The following STRIP2 variants were observed in gnomAD, a reference collection of about 807,000 sequenced individuals.
STRIP2 encodes striatin interacting protein 2.
In STRIP2, 84 loss-of-function variants were observed where a neutral mutation model predicts 107.1. That is an observed-to-expected ratio of 0.78 (90% CI 0.66 to 0.94). The LOEUF is 0.94. STRIP2 is among the 40% of genes least tolerant of loss of function. The probability of loss-of-function intolerance (pLI) is 0.00; values close to 1 mark genes in which losing one functional copy is unlikely to be tolerated. For missense variants in STRIP2, 888 were observed against 1,034.2 expected, an observed-to-expected ratio of 0.86 and a Z score of 1.94; for synonymous variants, 394 against 400.4, an observed-to-expected ratio of 0.98 and a Z score of 0.19.
intron 16 of STRIP2, 147 bp downstream of exon 16, chr7:129,464,885 C>A: frequency 9.5e-7 from 1 of 1,054,872 alleles, no homozygotes; most frequent in Non-Finnish European, 1.4e-6. Context: ...CCACCCATTG[C>A]ATGAGCTTGA....
intron 18 of STRIP2, among the ~76,000 whole-genome samples, chr7:129,471,986 T>TA (rs1224741260): frequency 6.8e-6 from 1 of 147,190 alleles, no homozygotes; most frequent in Non-Finnish European, 1.5e-5. Context: ...AGTTTTTTAT[T>TA]AAAAAAAATT....
At chr7:129,447,632 G>T (rs780522456) in intron 3 of STRIP2, among the ~76,000 whole-genome samples, 2 of 152,250 alleles carry the variant, frequency 1.3e-5, no homozygotes, top group Non-Finnish European at 2.9e-5. Flanking sequence ...TCTGGGGTAG[G>T]ACAGTAAAGG....
intron 3 of STRIP2, among the ~76,000 whole-genome samples, chr7:129,445,403 G>A (rs1163872188): frequency 6.6e-6 from 1 of 151,970 alleles, no homozygotes; most frequent in Non-Finnish European, 1.5e-5. Flanking sequence ...GTGTCTCCTG[G>A]TGGCAGTTTC....
intron 16 of STRIP2, among the ~76,000 whole-genome samples, chr7:129,466,919 C>A (rs1049433456): frequency 1.3e-5 from 2 of 152,220 alleles, no homozygotes; most frequent in Non-Finnish European, 2.9e-5. Flanking sequence ...TATGTGCTGT[C>A]ACCATCCTGA....
Position 129,486,030 on chromosome 7 carries a change from T to A in STRIP2, c.*201T>A. 1 of 570,910 alleles carries A rather than the reference T, an allele frequency of 1.8e-6. No individual in the cohort carries two copies. Among genetic ancestry groups the A allele is most frequent in the Non-Finnish European group, 3.1e-6 (1 of 324,590 alleles). The allele number at this position is 570,910 out of a possible 1,614,324, so 35.4% of individuals were successfully genotyped here. ...GGGTCAGTTGGGTGCCCAGTTGGCCTTGGAAATCTTTTGGTGGATCAATTC... is the reference window on the plus strand; with the variant it reads ...GGGTCAGTTGGGTGCCCAGTTGGCCATGGAAATCTTTTGGTGGATCAATTC... On this transcript the variant is annotated 3_prime_UTR_variant, in exon 21 of 21. Coordinates refer to ENST00000249344, the MANE Select transcript of STRIP2 (RefSeq NM_020704.3).
At chr7:129,485,545 T>C (rs766447524) in intron 20 of STRIP2, 34 bp from the exon 21 acceptor site, 1 of 1,612,400 alleles carries the variant, frequency 6.2e-7, no homozygotes. Flanking sequence ...TGTCTTGCAT[T>C]GTATGTCTTC....
chr7:129,478,733 A>G (rs1799037806), intron 18 of STRIP2, among the ~76,000 whole-genome samples: 1 of 152,224 alleles, frequency 6.6e-6, no homozygotes, highest in Admixed American at 6.5e-5. Context: ...AACCTTCTAC[A>G]GGAAACAAGG....
At chr7:129,478,011 T>C in intron 18 of STRIP2, 2 of 459,382 alleles carry the variant, frequency 4.4e-6, no homozygotes, top group Middle Eastern at 7.4e-4. Flanking sequence ...GATAAGTGTG[T>C]GGAGATGGCA....
At chr7:129,443,894 G>C (rs752190514) in intron 2 of STRIP2, 130 bp from the exon 3 acceptor site, 45 of 712,538 alleles carry the variant, frequency 6.3e-5, no homozygotes, top group Non-Finnish European at 9.6e-5. Flanking sequence ...TGAAAAGGAG[G>C]AAGCTAGCTT....
At chr7:129,459,442 T>C in intron 11 of STRIP2, 75 bp from the exon 12 acceptor site, 1 of 1,284,720 alleles carries the variant, frequency 7.8e-7, no homozygotes, top group Non-Finnish European at 1.1e-6. Context: ...GTCTGTTGAC[T>C]CTAGGGGGGT....
At chr7:129,471,300 G>A (rs1316527794) in intron 18 of STRIP2, among the ~76,000 whole-genome samples, 1 of 152,136 alleles carries the variant, frequency 6.6e-6, no homozygotes, top group East Asian at 1.9e-4. Flanking sequence ...CCATACTGAA[G>A]ATGAGGTATC....
At position 129,464,695 on chromosome 7, in the gene STRIP2, T is replaced by G. The variant is rs138707632; in HGVS notation, c.1733T>G (p.Leu578Arg). 1 of 1,614,066 alleles carries G rather than the reference T, an allele frequency of 6.2e-7. No homozygotes were observed. The highest frequency in any genetic ancestry group is 1.3e-5 in the African/African-American group (1 of 74,918). Residue 578 changes from leucine to arginine, a missense_variant, in exon 16 of 21, where the codon CTT becomes CGT. Leu to Arg is a moderately radical substitution (Grantham distance 102). Coordinates refer to ENST00000249344, the MANE Select transcript of STRIP2 (RefSeq NM_020704.3). Reference protein sequence around the residue: ...EIIVKSISTLLLLLLKHFKLN... With the variant: ...EIIVKSISTLRLLLLKHFKLN... ...ATTGTAAAGAGTATCTCTACCCTGC[T>G]TCTGCTACTCCTCAAACACTTCAAA...
chr7:129,478,799 T>C (rs1799039096), intron 18 of STRIP2, among the ~76,000 whole-genome samples: 1 of 152,196 alleles, frequency 6.6e-6, no homozygotes, highest in Non-Finnish European at 1.5e-5. Context: ...CCAAGTATTC[T>C]GGTATCTATT....
chr7:129,468,539 T>C (rs1025957307), intron 17 of STRIP2, among the ~76,000 whole-genome samples: 4 of 152,192 alleles, frequency 2.6e-5, no homozygotes, highest in Admixed American at 2.6e-4. Flanking sequence ...ATATGTAAGA[T>C]TGCTTTAAAC....
intron 18 of STRIP2, among the ~76,000 whole-genome samples, chr7:129,475,568 C>CTTT (rs1193913684): frequency 1.0e-5 from 1 of 99,300 alleles, no homozygotes; most frequent in Non-Finnish European, 2.0e-5. Context: ...TTTTTTTTTT[C>CTTT]TTTTTATTTT....
At position 129,454,125 on chromosome 7, in the gene STRIP2, T is replaced by A. The variant is rs1309173983; in HGVS notation, c.531-17T>A. 1 of 1,613,426 alleles carries A rather than the reference T, an allele frequency of 6.2e-7. No individual in the cohort carries two copies. The highest frequency in any genetic ancestry group is 8.5e-7 in the Non-Finnish European group (1 of 1,179,590). ...GAAGTCTTATGCATTCCTGTTCTTT[T>A]TCTCCTCCCCTGGCAGCAACAGCCA... On this transcript the variant is annotated splice_polypyrimidine_tract_variant and intron_variant, in intron 5 of 20. Coordinates refer to ENST00000249344, the MANE Select transcript of STRIP2 (RefSeq NM_020704.3).
At chr7:129,436,145 G>A (rs1163662661) in intron 1 of STRIP2, among the ~76,000 whole-genome samples, 2 of 152,150 alleles carry the variant, frequency 1.3e-5, no homozygotes, top group African/African-American at 2.4e-5. Context: ...TTGGGGAGAT[G>A]AGCCATTCAT....
intron 14 of STRIP2, 30 bp downstream of exon 14, chr7:129,463,070 T>C: frequency 1.9e-6 from 3 of 1,571,564 alleles, no homozygotes; most frequent in East Asian, 2.2e-5. Flanking sequence ...AGAGCTGCCC[T>C]TCTCTGCTGC....
chr7:129,485,536 G>A (rs756327803), intron 20 of STRIP2, 43 bp from the exon 21 acceptor site: 1 of 1,606,526 alleles, frequency 6.2e-7, no homozygotes, highest in South Asian at 1.1e-5. Context: ...GAGGAGCAGT[G>A]TCTTGCATTG....
Sources: gnomAD v4.1 joint callset for allele counts (sites outside exome capture counted in the v4.1 genomes callset) on GRCh38, gnomAD v4.1.1 for gene constraint, MANE v1.5 for transcripts, NCBI Gene and HGNC (gene_info 2026-07-23, HGNC 2026-07-21) for gene names.